Variants in LYPD6B observed in about 807,000 individuals in gnomAD.
LYPD6B encodes the protein ly6/PLAUR domain-containing protein 6B.
LYPD6B carries 17 observed loss-of-function variants against 22.8 expected under a neutral mutation model. The observed-to-expected ratio is 0.75, with a 90% CI of 0.51 to 1.12. The LOEUF (loss-of-function observed/expected upper bound fraction) is 1.12. Ranked by LOEUF, LYPD6B falls within the 50% of genes most tolerant of loss-of-function variation. The pLI, the probability that LYPD6B is intolerant of heterozygous loss-of-function variation, is 0.00. For synonymous variants in LYPD6B, 106 were observed against 91.6 expected (o/e 1.16, Z -0.90); for missense variants, 221 against 258.3 (o/e 0.86, Z 0.99).
intron 1 of LYPD6B, among the ~76,000 whole-genome samples, chr2:149,055,676 A>G (rs1227117135): frequency 2.0e-5 from 3 of 152,188 alleles, no homozygotes; most frequent in South Asian, 2.1e-4. Context: ...GGGGTTGTTC[A>G]TTGGTAGTGC....
intron 1 of LYPD6B, among the ~76,000 whole-genome samples, chr2:149,123,490 G>A (rs1415400345): frequency 1.3e-5 from 2 of 152,040 alleles, no homozygotes; most frequent in Non-Finnish European, 2.9e-5. Context: ...ATTACTACGC[G>A]GAGGAAAGGG....
chr2:149,183,067 G>A (rs968913226), intron 3 of LYPD6B, among the ~76,000 whole-genome samples: 4 of 152,142 alleles, frequency 2.6e-5, no homozygotes, highest in African/African-American at 9.7e-5. Context: ...CAGGGAAACA[G>A]GCATTCTGGG....
In LYPD6B at chr2:149,179,355, G is replaced by A. The variant is rs1385345737; in HGVS notation, c.77+18520G>A. Among the ~76,000 whole-genome samples, 3 of 152,190 alleles carry A rather than the reference G, an allele frequency of 2.0e-5. No individual in the cohort carries two copies. In the East Asian group the frequency reaches 5.8e-4, roughly 29 times the overall value. On this transcript the variant is annotated intron_variant, in intron 3 of 6. Transcript: ENST00000409642. ...CTCAGTAACTCTTAGTAGCTATCTG[G>A]CAGTGCCGATGACGATGATAAAATC...
At chr2:149,071,617 C>T (rs1283014821) in intron 1 of LYPD6B, among the ~76,000 whole-genome samples, 1 of 152,152 alleles carries the variant, frequency 6.6e-6, no homozygotes, top group Non-Finnish European at 1.5e-5. Context: ...GCTGTGATTT[C>T]CTAGACACTT....
intron 1 of LYPD6B, among the ~76,000 whole-genome samples, chr2:149,065,267 G>T (rs1684269607): frequency 6.6e-6 from 1 of 152,222 alleles, no homozygotes; most frequent in South Asian, 2.1e-4. Context: ...CTTGCTAAGT[G>T]TATGGAGAAT....
At chr2:149,136,425 C>T (rs1391657043) in intron 2 of LYPD6B, among the ~76,000 whole-genome samples, 3 of 152,188 alleles carry the variant, frequency 2.0e-5, no homozygotes, top group Non-Finnish European at 2.9e-5. Context: ...CCAGAGACTC[C>T]GAGTCTTCAT....
At chr2:149,195,280 G>T (rs1692737615) in intron 3 of LYPD6B, among the ~76,000 whole-genome samples, 1 of 152,166 alleles carries the variant, frequency 6.6e-6, no homozygotes, top group African/African-American at 2.4e-5. Context: ...CTTTCTTCAG[G>T]CTAGAGACCA....
chr2:149,212,879 G>A lies in LYPD6B; in HGVS notation c.329-113G>A. 4 of 1,059,700 alleles carry A rather than the reference G, an allele frequency of 3.8e-6. No homozygotes were observed. In the East Asian group the frequency reaches 1.1e-4, roughly 28 times the overall value. 65.6% of individuals were successfully genotyped at this position (1,059,700 alleles called of 1,614,324 possible). ...GAAATGTCTTGCCTAAAAACCCCAG[G>A]ACTGGCCTGAATTTGAGTCCTTTCT... On this transcript the variant is annotated intron_variant, in intron 5 of 6. Coordinates refer to ENST00000409642, the MANE Select transcript of LYPD6B (RefSeq NM_177964.5).
intron 1 of LYPD6B, among the ~76,000 whole-genome samples, chr2:149,049,559 C>A (rs1162188591): frequency 6.6e-6 from 1 of 152,214 alleles, no homozygotes; most frequent in Non-Finnish European, 1.5e-5. Context: ...CCTCAGAGTG[C>A]TCTTGTGTCT....
At chr2:149,112,509 T>C (rs961937148) in intron 1 of LYPD6B, among the ~76,000 whole-genome samples, 2 of 152,070 alleles carry the variant, frequency 1.3e-5, no homozygotes, top group African/African-American at 4.8e-5. Context: ...TATTATATGG[T>C]AGAAATAGAA....
intron 2 of LYPD6B, among the ~76,000 whole-genome samples, chr2:149,152,408 C>T (rs1394370270): frequency 6.6e-6 from 1 of 152,140 alleles, no homozygotes; most frequent in African/African-American, 2.4e-5. Flanking sequence ...TTTCATGAAG[C>T]CAACACACAA....
intron 1 of LYPD6B, among the ~76,000 whole-genome samples, chr2:149,102,013 A>G (rs1222870722): frequency 6.6e-6 from 1 of 152,224 alleles, no homozygotes; most frequent in Admixed American, 6.5e-5. Context: ...TAGACATACC[A>G]GCCACAAAGA....
At chr2:149,079,340 G>A (rs775464914) in intron 1 of LYPD6B, among the ~76,000 whole-genome samples, 2 of 152,132 alleles carry the variant, frequency 1.3e-5, no homozygotes, top group Non-Finnish European at 2.9e-5. Context: ...TATGTTTAAT[G>A]TAATTTGGAC....
intron 3 of LYPD6B, among the ~76,000 whole-genome samples, chr2:149,182,893 C>T (rs560856123): frequency 3.3e-5 from 5 of 152,272 alleles, no homozygotes; most frequent in South Asian, 4.1e-4. Context: ...TAAGTTATGT[C>T]CATTATAAAA....
intron 1 of LYPD6B, among the ~76,000 whole-genome samples, chr2:149,111,204 G>A (rs1008478797): frequency 2.0e-5 from 3 of 152,108 alleles, no homozygotes; most frequent in African/African-American, 7.2e-5. Flanking sequence ...GGTAAGAACT[G>A]TAGATTTTAT....
At chr2:149,072,905 A>G (rs35702824) in intron 1 of LYPD6B, among the ~76,000 whole-genome samples, 28,220 of 152,060 alleles carry the variant, frequency 0.19, 2,866 homozygotes, top group East Asian at 0.35. Flanking sequence ...GAAGGAGGAG[A>G]GAGAAAATGC....
intron 2 of LYPD6B, 73 bp downstream of exon 2, chr2:149,131,026 A>AG: frequency 9.4e-7 from 1 of 1,065,492 alleles, no homozygotes; most frequent in Non-Finnish European, 1.5e-6. Flanking sequence ...CACATGAGCT[A>AG]CTCATGCTTC....
At chr2:149,162,056 A>G (rs1161656152) in intron 3 of LYPD6B, among the ~76,000 whole-genome samples, 1 of 152,160 alleles carries the variant, frequency 6.6e-6, no homozygotes, top group African/African-American at 2.4e-5. Flanking sequence ...CAGAGGAATG[A>G]CGGTCTAGTC....
chr2:149,130,564 C>T (rs1041829716), intron 1 of LYPD6B, among the ~76,000 whole-genome samples: 4 of 152,214 alleles, frequency 2.6e-5, no homozygotes, highest in South Asian at 2.1e-4. Context: ...CACTAACTTA[C>T]AGCAGAGCTG....
Sources: allele counts gnomAD v4.1 joint callset (sites outside exome capture counted in the v4.1 genomes callset), GRCh38; gene constraint gnomAD v4.1.1; transcripts MANE v1.5; gene names NCBI Gene and HGNC (gene_info 2026-07-23, HGNC 2026-07-21).